Variants in MYOZ2 observed in about 807,000 individuals in gnomAD.
MYOZ2 encodes the protein myozenin 2.
MYOZ2 carries 19 observed loss-of-function variants against 25.4 expected under a neutral mutation model. That is an observed-to-expected ratio of 0.75 (90% CI 0.52 to 1.10). The LOEUF (loss-of-function observed/expected upper bound fraction) is 1.10. Ranked by LOEUF, MYOZ2 falls within the 50% of genes least tolerant of loss-of-function variation. The probability of loss-of-function intolerance (pLI) is 0.00; values close to 1 mark genes in which losing one functional copy is unlikely to be tolerated. For missense variants in MYOZ2, 270 were observed against 317.9 expected (o/e 0.85, Z 1.15); for synonymous variants, 92 against 106.9 (o/e 0.86, Z 0.86).
At chr4:119,136,434 T>A (rs111556015) in intron 1 of MYOZ2, 78 bp from the exon 2 acceptor site, 21 of 1,247,522 alleles carry the variant, frequency 1.7e-5, no homozygotes, top group Middle Eastern at 1.9e-4. Flanking sequence ...AAAGATGTTG[T>A]CTTTCAAAAC....
intron 2 of MYOZ2, among the ~76,000 whole-genome samples, chr4:119,138,461 G>A (rs1039425785): frequency 2.0e-5 from 3 of 152,144 alleles, no homozygotes; most frequent in African/African-American, 7.2e-5. Context: ...GGAGCTAGGG[G>A]AGTATAATTT....
At chr4:119,150,247 T>C (rs1741416005) in intron 2 of MYOZ2, among the ~76,000 whole-genome samples, 1 of 152,122 alleles carries the variant, frequency 6.6e-6, no homozygotes, top group Non-Finnish European at 1.5e-5. Context: ...ATATATGTGA[T>C]TCAGTGTTAT....
At chr4:119,143,395 C>A (rs1011510292) in intron 2 of MYOZ2, among the ~76,000 whole-genome samples, 12 of 152,046 alleles carry the variant, frequency 7.9e-5, no homozygotes, top group African/African-American at 2.7e-4. Context: ...GCGGTTTCAC[C>A]ACATTGGCCA....
intron 2 of MYOZ2, among the ~76,000 whole-genome samples, chr4:119,149,416 T>C (rs971937718): frequency 3.9e-5 from 6 of 152,240 alleles, no homozygotes; most frequent in Admixed American, 2.0e-4. Flanking sequence ...TCTGTGGTGG[T>C]TGGCTAAAGT....
intron 5 of MYOZ2, among the ~76,000 whole-genome samples, chr4:119,177,662 G>A (rs775972647): frequency 2.6e-5 from 4 of 152,036 alleles, no homozygotes; most frequent in Non-Finnish European, 5.9e-5. Context: ...GAGTACATTC[G>A]GAACCACATA....
At chr4:119,145,541 T>C (rs1489743377) in intron 2 of MYOZ2, among the ~76,000 whole-genome samples, 1 of 143,872 alleles carries the variant, frequency 7.0e-6, no homozygotes, top group African/African-American at 2.5e-5. Context: ...TGTGTGTGTG[T>C]GTGTGTGTTT....
At chr4:119,161,823 A>T (rs1346532019) in intron 4 of MYOZ2, among the ~76,000 whole-genome samples, 2 of 152,180 alleles carry the variant, frequency 1.3e-5, no homozygotes, top group African/African-American at 2.4e-5. Flanking sequence ...ATAATATTAC[A>T]CTAGATGTTC....
At chr4:119,142,203 T>C (rs1741171699) in intron 2 of MYOZ2, among the ~76,000 whole-genome samples, 1 of 152,182 alleles carries the variant, frequency 6.6e-6, no homozygotes, top group African/African-American at 2.4e-5. Context: ...GCTACCACCA[T>C]GGAAGCACTA....
chr4:119,175,364 C>A (rs1277873022), intron 5 of MYOZ2, among the ~76,000 whole-genome samples: 3 of 152,130 alleles, frequency 2.0e-5, no homozygotes, highest in Admixed American at 2.0e-4. Context: ...TGAATAAATT[C>A]ATTTCTGGAA....
At chr4:119,157,901 A>C in intron 3 of MYOZ2, 121 bp from the exon 4 acceptor site, 3 of 1,224,484 alleles carry the variant, frequency 2.5e-6, no homozygotes, top group Non-Finnish European at 3.5e-6. Flanking sequence ...GGTCCCAGGA[A>C]GTAATGAAGC....
At chr4:119,162,767 T>C (rs956203452) in intron 4 of MYOZ2, among the ~76,000 whole-genome samples, 9 of 152,142 alleles carry the variant, frequency 5.9e-5, no homozygotes, top group Admixed American at 3.3e-4. Flanking sequence ...TGGTAACACT[T>C]TGTGATTTGT....
chr4:119,176,229 CT>C (rs34324861), intron 5 of MYOZ2, among the ~76,000 whole-genome samples: 37,173 of 150,722 alleles, frequency 0.25, 4,930 homozygotes, highest in South Asian at 0.36. Flanking sequence ...ATTGAACAAA[CT>C]TTTTTTTTTA....
chr4:119,186,223 T>G lies in MYOZ2; in HGVS notation c.*23T>G. ...TGAAAAGAAAGTTGTATGTGCCACATAAAACTCTGAATATAAAAGTTGCTG... is the reference window on the plus strand; with the variant it reads ...TGAAAAGAAAGTTGTATGTGCCACAGAAAACTCTGAATATAAAAGTTGCTG... On this transcript the variant is annotated 3_prime_UTR_variant, in exon 6 of 6. Coordinates refer to ENST00000307128, the MANE Select transcript of MYOZ2 (RefSeq NM_016599.5). 1 of 1,579,338 alleles carries G rather than the reference T, an allele frequency of 6.3e-7. No homozygotes were observed. The highest frequency in any genetic ancestry group is 1.1e-5 in the South Asian group (1 of 90,192).
intron 2 of MYOZ2, among the ~76,000 whole-genome samples, chr4:119,148,901 G>A (rs941979431): frequency 2.6e-5 from 4 of 151,462 alleles, no homozygotes; most frequent in Non-Finnish European, 5.9e-5. Flanking sequence ...AGTCATCCCA[G>A]TGTTGGCATT....
At position 119,136,606 on chromosome 4, in the gene MYOZ2, C is replaced by T; in HGVS notation, c.76+5C>T. 6.2e-7 allele frequency: 1 copy of T among 1,611,616 alleles called. No homozygotes were observed. Among genetic ancestry groups the T allele is most frequent in the Non-Finnish European group, 8.5e-7 (1 of 1,178,048 alleles). The stretch of plus-strand genomic sequence containing the variant: ...TGAAGGAAGTCCATGGAAATGGTAT[C>T]AATAAAAATCCTTCGTAGCATTAAT... On this transcript the variant is annotated splice_donor_5th_base_variant and intron_variant, in intron 2 of 5. Transcript: ENST00000307128.
chr4:119,141,677 C>A (rs958471469), intron 2 of MYOZ2, among the ~76,000 whole-genome samples: 2 of 152,120 alleles, frequency 1.3e-5, no homozygotes, highest in African/African-American at 4.8e-5. Flanking sequence ...CCACCATGCC[C>A]GGCCTTATTT....
chr4:119,143,766 T>C (rs1741225649), intron 2 of MYOZ2, among the ~76,000 whole-genome samples: 1 of 152,218 alleles, frequency 6.6e-6, no homozygotes. Context: ...TCTAGTTTTG[T>C]CTTTTCCAGA....
chr4:119,161,902 T>C (rs781031036), intron 4 of MYOZ2, among the ~76,000 whole-genome samples: 8 of 152,244 alleles, frequency 5.3e-5, no homozygotes, highest in Non-Finnish European at 1.0e-4. Flanking sequence ...TAAATACTTG[T>C]GTTAGGGTGG....
intron 5 of MYOZ2, among the ~76,000 whole-genome samples, chr4:119,175,620 C>G (rs762255705): frequency 6.6e-6 from 1 of 151,732 alleles, no homozygotes. Context: ...GGTGTGGTGG[C>G]GGGCGTCTGT....
Sources: allele counts gnomAD v4.1 joint callset (sites outside exome capture counted in the v4.1 genomes callset), GRCh38; gene constraint gnomAD v4.1.1; transcripts MANE v1.5; gene names NCBI Gene and HGNC (gene_info 2026-07-23, HGNC 2026-07-21).